Variants in RPL19 observed in about 807,000 individuals in gnomAD.
RPL19 encodes the protein ribosomal protein L19, also known as large ribosomal subunit protein eL19.
A neutral mutation model predicts 25.1 loss-of-function variants in RPL19; 2 were observed. The observed-to-expected ratio is 0.08, with a 90% CI of 0.03 to 0.25. RPL19 has a LOEUF of 0.25. Among genes scored for constraint, RPL19 ranks in the 10% least tolerant of loss-of-function variants. RPL19 has a pLI of 1.00. For missense variants in RPL19, 123 were observed against 271.8 expected (o/e 0.45, Z 3.85); for synonymous variants, 89 against 91.2 (o/e 0.98, Z 0.14).
chr17:39,202,354 C>A lies in RPL19; in HGVS notation c.150C>A (p.Ile50=). ...GGAAGCTCATCAAAGATGGGCTGAT[C>A]ATCCGCAAGCCTGTGACGGTCCATT... The part of the protein sequence containing the change: ...QIRKLIKDGL[I]IRKPVTVHSR... Residue 50 remains isoleucine (I), a synonymous_variant, in exon 3 of 6, where the codon ATC becomes ATA. Transcript: ENST00000225430. The A allele has an allele frequency of 1.2e-6, 2 of 1,614,128 alleles. No individual in the cohort carries two copies. Among genetic ancestry groups the A allele is most frequent in the East Asian group, 2.2e-5 (1 of 44,890 alleles).
chr17:39,203,102 C>A lies in RPL19; in HGVS notation c.349C>A (p.Arg117Ser). The A allele has an allele frequency of 1.2e-6, 2 of 1,612,606 alleles. No homozygotes were observed. The highest frequency in any genetic ancestry group is 1.7e-6 in the Non-Finnish European group (2 of 1,179,448). ...ATACCGTGAATCTAAGAAGATCGAT[C>A]GCCACATGTAAGCACACCCTCTTGG... ...RRYRESKKID[R>S]HMYHSLYLKV... Residue 117 changes from arginine to serine, a missense_variant, in exon 4 of 6, where the codon CGC becomes AGC. Physicochemically the swap from Arg to Ser is moderately radical, Grantham distance 110 (BLOSUM62 -1). Coordinates refer to ENST00000225430, the MANE Select transcript of RPL19 (RefSeq NM_000981.4).
chr17:39,202,772 G>C, intron 3 of RPL19: 2 of 590,852 alleles, frequency 3.4e-6, no homozygotes, highest in South Asian at 4.3e-5. Flanking sequence ...GAAGTGAATG[G>C]GGAATTATTG....
Position 39,204,611 on chromosome 17 carries a change from T to C in RPL19, c.554T>C (p.Ile185Thr), listed in dbSNP as rs756832715. The change falls in exon 6 of 6, where the codon ATC (isoleucine) becomes ACC (threonine). Residue 185 changes from isoleucine (I) to threonine (T), a missense_variant. Transcript: ENST00000225430. Reference sequence around the variant, plus strand: ...CTCCAGGCCAAGAAGGAGGAGATCATCAAGACTTTATCCAAGGAGGAAGAG... The same window carrying C: ...CTCCAGGCCAAGAAGGAGGAGATCACCAAGACTTTATCCAAGGAGGAAGAG... ...ERLQAKKEEI[I>T]KTLSKEEETK... is the part of the protein sequence containing the mutation. The C allele has an allele frequency of 4.1e-5, 66 of 1,614,020 alleles. No homozygotes were observed. The highest frequency in any genetic ancestry group is 5.3e-5 in the Non-Finnish European group (63 of 1,180,010).
Position 39,204,674 on chromosome 17 carries a change from T to A in RPL19, c.*26T>A. On this transcript the variant is annotated 3_prime_UTR_variant, in exon 6 of 6. Transcript: ENST00000225430. ...AACCTCCCACTTTGTCTGTACATAC[T>A]GGCCTCTGTGATTACATAGATCAGC... is the stretch of plus-strand genomic sequence containing the variant. 1 of 1,605,570 alleles carries A rather than the reference T, an allele frequency of 6.2e-7. No homozygotes were observed.
Position 39,201,331 on chromosome 17 carries a change from G to A in RPL19, c.112+12G>A. On this transcript the variant is annotated intron_variant, in intron 2 of 5. Coordinates refer to ENST00000225430, the MANE Select transcript of RPL19 (RefSeq NM_000981.4). ...CAATGCCAACTCCCGTGAGTACCTGGGATCTGTCTCTTCACCCTACTTCCT... is the reference window on the plus strand; with the variant it reads ...CAATGCCAACTCCCGTGAGTACCTGAGATCTGTCTCTTCACCCTACTTCCT... The A allele has an allele frequency of 6.8e-7, 1 of 1,463,426 alleles. No homozygotes were observed. Among genetic ancestry groups the A allele is most frequent in the Non-Finnish European group, 9.6e-7 (1 of 1,043,278 alleles). 90.7% of individuals were successfully genotyped at this position (1,463,426 alleles called of 1,614,324 possible). A position where few individuals can be genotyped will look rare whatever the true frequency, so the allele number is the denominator to read the frequency against.
rs113117296 is a variant in RPL19 at position 39,204,728 on chromosome 17, C to T, written c.*80C>T. The T allele has an allele frequency of 1.4e-6, 2 of 1,403,332 alleles. No homozygotes were observed. Among genetic ancestry groups the T allele is most frequent in the Admixed American group, 2.0e-5 (1 of 50,774 alleles). 86.9% of individuals were successfully genotyped at this position (1,403,332 alleles called of 1,614,324 possible). A position where few individuals can be genotyped will look rare whatever the true frequency, so the allele number is the denominator to read the frequency against. ...TAAAATAAAACAAGCCTTAATCTGC[C>T]TTCCTCTCTGCTTCTTGCAAGGTTT... On this transcript the variant is annotated 3_prime_UTR_variant, in exon 6 of 6. Coordinates refer to ENST00000225430, the MANE Select transcript of RPL19 (RefSeq NM_000981.4).
In RPL19 at chr17:39,203,101, T is replaced by C; in HGVS notation, c.348T>C (p.Asp116=). The C allele has an allele frequency of 6.2e-7, 1 of 1,611,970 alleles. No individual in the cohort carries two copies. Among genetic ancestry groups the C allele is most frequent in the Non-Finnish European group, 8.5e-7 (1 of 1,179,014 alleles). The change falls in exon 4 of 6, where the codon GAT becomes GAC. Residue 116 remains aspartate, a synonymous_variant. Coordinates refer to ENST00000225430, the MANE Select transcript of RPL19 (RefSeq NM_000981.4). ...LRRYRESKKI[D]RHMYHSLYLK... ...GATACCGTGAATCTAAGAAGATCGA[T>C]CGCCACATGTAAGCACACCCTCTTG... is the stretch of plus-strand genomic sequence containing the variant.
intron 3 of RPL19, 26 bp from the exon 4 acceptor site, chr17:39,202,963 C>T (rs72823347): frequency 0.055 from 88,212 of 1,613,112 alleles, 2,782 homozygotes; most frequent in Non-Finnish European, 0.065. Flanking sequence ...GGGTAGTGGC[C>T]CGTTCCTAAC....
intron 2 of RPL19, among the ~76,000 whole-genome samples, chr17:39,201,660 C>T (rs541601659): frequency 3.7e-4 from 56 of 152,102 alleles, no homozygotes; most frequent in Non-Finnish European, 6.0e-4. Context: ...GCAACCTCTG[C>T]CTCCCAGGTT....
chr17:39,201,815 A>G lies in RPL19; in HGVS notation c.112+496A>G, dbSNP rs181439668. ...TCAAACTCCTGACCTCAGGTCATCC[A>G]TCCACCTCAGCCTCCCAGAGTGCTG... is the stretch of plus-strand genomic sequence containing the variant. On this transcript the variant is annotated intron_variant, in intron 2 of 5. Transcript: ENST00000225430. Among the ~76,000 whole-genome samples, 8 of 151,944 alleles carry G rather than the reference A, an allele frequency of 5.3e-5. No homozygotes were observed. The East Asian group carries it at 1.4e-3, about 26-fold the overall frequency.
At chr17:39,204,490 C>G (rs972696271) in intron 5 of RPL19, 35 bp from the exon 6 acceptor site, 1 of 1,612,782 alleles carries the variant, frequency 6.2e-7, no homozygotes, top group African/African-American at 1.3e-5. Flanking sequence ...CTCATCTCTT[C>G]CCAAACTGAC....
Position 39,203,611 on chromosome 17 carries a change from C to T in RPL19, c.357-466C>T, listed in dbSNP as rs116680670. 3.8e-3 allele frequency among the ~76,000 whole-genome samples: 581 copies of T among 151,916 alleles called. 2 individuals carry two copies. The highest frequency in any genetic ancestry group is 0.013 in the African/African-American group (539 of 41,390). On this transcript the variant is annotated intron_variant, in intron 4 of 5. Coordinates refer to ENST00000225430, the MANE Select transcript of RPL19 (RefSeq NM_000981.4). ...CTGCAATCTGCTTTCGAGGTTCAAG[C>T]ACTTCACCTGCCTCACCGTCTCAAG...
chr17:39,201,874 G>A (rs1348588708), intron 2 of RPL19, among the ~76,000 whole-genome samples: 2 of 152,118 alleles, frequency 1.3e-5, no homozygotes, highest in African/African-American at 4.8e-5. Flanking sequence ...ACCTAGCCTG[G>A]GTTGACTTGT....
intron 4 of RPL19, among the ~76,000 whole-genome samples, chr17:39,203,526 T>C (rs1367932843): frequency 4.1e-5 from 6 of 147,830 alleles, no homozygotes; most frequent in Non-Finnish European, 9.0e-5. Context: ...CTTTTTTTTT[T>C]TGGAGACAGA....
At position 39,200,304 on chromosome 17, in the gene RPL19, G is replaced by T. The variant is rs936421454; in HGVS notation, c.-41G>T. 2 of 1,525,888 alleles carry T rather than the reference G, an allele frequency of 1.3e-6. No homozygotes were observed. The highest frequency in any genetic ancestry group is 1.8e-6 in the Non-Finnish European group (2 of 1,135,924). 94.5% of individuals were successfully genotyped at this position (1,525,888 alleles called of 1,614,324 possible). A position where few individuals can be genotyped will look rare whatever the true frequency, so the allele number is the denominator to read the frequency against. The stretch of plus-strand genomic sequence containing the variant: ...CTTCGCAGATAATGGGAGGAGCCGG[G>T]CCCGAGCGAGCTCTTTCCTTTCGCT... On this transcript the variant is annotated 5_prime_UTR_variant, in exon 1 of 6. Transcript: ENST00000225430.
chr17:39,201,547 C>A (rs1054584270), intron 2 of RPL19, among the ~76,000 whole-genome samples: 14 of 151,828 alleles, frequency 9.2e-5, no homozygotes, highest in African/African-American at 3.4e-4. Flanking sequence ...TGTGCACCAC[C>A]ACACCCAGCT....
At chr17:39,204,295 C>G in intron 5 of RPL19, 108 bp downstream of exon 5, 1 of 849,896 alleles carries the variant, frequency 1.2e-6, no homozygotes, top group Non-Finnish European at 2.0e-6. Flanking sequence ...CGTAGTCTGT[C>G]TTAGGAATAC....
rs2144209916 is a variant in RPL19 at position 39,202,735 on chromosome 17, A to T, written c.236-254A>T. The T allele has an allele frequency of 7.8e-6, 4 of 513,070 alleles. No homozygotes were observed. The East Asian group carries it at 1.3e-4, about 17-fold the overall frequency. The allele number at this position is 513,070 out of a possible 1,614,324, so 31.8% of individuals were successfully genotyped here. On this transcript the variant is annotated intron_variant, in intron 3 of 5. Coordinates refer to ENST00000225430, the MANE Select transcript of RPL19 (RefSeq NM_000981.4). Reference sequence around the variant, plus strand: ...ACAACGTGCTGTGTTGCCTTGGTGCACTGCCTGTTACACCCACATTCTGCA... The same window carrying T: ...ACAACGTGCTGTGTTGCCTTGGTGCTCTGCCTGTTACACCCACATTCTGCA...
chr17:39,203,926 C>CA (rs1196012227), intron 4 of RPL19, 151 bp from the exon 5 acceptor site: 1 of 586,304 alleles, frequency 1.7e-6, no homozygotes, highest in East Asian at 2.9e-5. Flanking sequence ...GAACTGCACA[C>CA]AAAAAAGTCA....
Sources: gnomAD v4.1 joint callset for allele counts (sites outside exome capture counted in the v4.1 genomes callset) on GRCh38, gnomAD v4.1.1 for gene constraint, MANE v1.5 for transcripts, NCBI Gene and HGNC (gene_info 2026-07-23, HGNC 2026-07-21) for gene names.